The following CARMIL1 variants were observed in gnomAD, a reference collection of about 807,000 sequenced individuals.
CARMIL1 encodes the protein capping protein regulator and myosin 1 linker 1, also known as F-actin-uncapping protein LRRC16A.
A neutral mutation model predicts 177.1 loss-of-function variants in CARMIL1; 90 were observed. The observed-to-expected ratio is 0.51, with a 90% CI of 0.43 to 0.61. The LOEUF (loss-of-function observed/expected upper bound fraction) is 0.61. CARMIL1 is among the 20% of genes least tolerant of loss of function. The pLI, the probability that CARMIL1 is intolerant of heterozygous loss-of-function variation, is 0.00. For missense variants in CARMIL1, 1,380 were observed against 1,667.0 expected (o/e 0.83, Z 3.00); for synonymous variants, 577 against 606.2 (o/e 0.95, Z 0.71).
At chr6:25,298,183 C>T (rs1424027797) in intron 2 of CARMIL1, among the ~76,000 whole-genome samples, 1 of 152,048 alleles carries the variant, frequency 6.6e-6, no homozygotes, top group East Asian at 1.9e-4. Context: ...TAAGTCTTAG[C>T]TGTTATTGTT....
At chr6:25,534,029 C>T (rs914631589) in intron 24 of CARMIL1, among the ~76,000 whole-genome samples, 3 of 152,154 alleles carry the variant, frequency 2.0e-5, no homozygotes, top group Non-Finnish European at 4.4e-5. Context: ...CCACTAAACC[C>T]TGTCCAGTGG....
intron 29 of CARMIL1, chr6:25,563,748 T>A: frequency 2.0e-6 from 2 of 985,138 alleles, no homozygotes; most frequent in Non-Finnish European, 2.4e-6. Flanking sequence ...GCTTGCTACA[T>A]TGAGGGGAAG....
chr6:25,507,070 C>T (rs1364892759), intron 17 of CARMIL1, among the ~76,000 whole-genome samples: 2 of 152,170 alleles, frequency 1.3e-5, no homozygotes, highest in African/African-American at 4.8e-5. Flanking sequence ...ACATTTACTT[C>T]TCTTTGATCT....
intron 32 of CARMIL1, among the ~76,000 whole-genome samples, chr6:25,599,699 A>C (rs1012558951): frequency 2.0e-5 from 3 of 152,126 alleles, no homozygotes; most frequent in Non-Finnish European, 4.4e-5. Flanking sequence ...AGATGGCCAG[A>C]CTCAAGTCGC....
At chr6:25,453,195 C>A (rs1302440447) in intron 8 of CARMIL1, among the ~76,000 whole-genome samples, 2 of 150,174 alleles carry the variant, frequency 1.3e-5, no homozygotes, top group African/African-American at 4.9e-5. Context: ...TAGTAGCAGA[C>A]AAAAGTTTTC....
chr6:25,478,308 C>T (rs113600899), intron 11 of CARMIL1, among the ~76,000 whole-genome samples: 5 of 152,090 alleles, frequency 3.3e-5, no homozygotes, highest in African/African-American at 1.2e-4. Flanking sequence ...GTCCCAGAGT[C>T]GAAACACATG....
At position 25,620,123 on chromosome 6, in the gene CARMIL1, T is replaced by C. The variant is rs555946049; in HGVS notation, c.*540T>C. On this transcript the variant is annotated 3_prime_UTR_variant, in exon 37 of 37. Coordinates refer to ENST00000329474, the MANE Select transcript of CARMIL1 (RefSeq NM_017640.6). The stretch of plus-strand genomic sequence containing the variant: ...GCACACTAATAATTTGTATAGATTA[T>C]ATATATTAGATCTTGGGTATGGTTT... The C allele has an allele frequency of 5.2e-5, 8 of 152,770 alleles. No individual in the cohort carries two copies. The highest frequency in any genetic ancestry group is 4.1e-4 in the South Asian group (2 of 4,822). The allele number at this position is 152,770 out of a possible 1,614,324, so 9.5% of individuals were successfully genotyped here.
intron 3 of CARMIL1, among the ~76,000 whole-genome samples, chr6:25,422,651 A>G (rs1313291971): frequency 6.6e-6 from 1 of 152,234 alleles, no homozygotes; most frequent in African/African-American, 2.4e-5. Context: ...GCATGATATG[A>G]GGACTTTAAT....
At chr6:25,371,067 C>T (rs943432509) in intron 2 of CARMIL1, among the ~76,000 whole-genome samples, 2 of 152,110 alleles carry the variant, frequency 1.3e-5, no homozygotes, top group African/African-American at 4.8e-5. Flanking sequence ...GCCTCCAGCT[C>T]CATCCAAATT....
At chr6:25,452,005 AG>A in intron 8 of CARMIL1, 1 of 16,052 alleles carries the variant, frequency 6.2e-5, no homozygotes, top group South Asian at 7.3e-4. Context: ...TCCCCCCCCC[AG>A]AATACTGTTT....
intron 24 of CARMIL1, among the ~76,000 whole-genome samples, chr6:25,529,575 A>G (rs1460680078): frequency 6.6e-6 from 1 of 152,184 alleles, no homozygotes; most frequent in Non-Finnish European, 1.5e-5. Flanking sequence ...AGAGTACAGC[A>G]GAGAGCTTTA....
In CARMIL1 at chr6:25,594,470, G is replaced by A. The variant is rs201497840; in HGVS notation, c.3062G>A (p.Arg1021Lys). ...GGTGAACAGAATGGTCTCATGGGGA[G>A]AGTGGATGAAGGTGTAGATGAATTT... ...QDGEQNGLMG[R>K]VDEGVDEFFT... Residue 1021 changes from arginine (R) to lysine (K), a missense_variant, in exon 32 of 37, where the codon AGA becomes AAA. By Grantham distance (26) the Arg-to-Lys change is conservative (BLOSUM62 2). Coordinates refer to ENST00000329474, the MANE Select transcript of CARMIL1 (RefSeq NM_017640.6). 1.2e-3 allele frequency: 1,908 copies of A among 1,613,640 alleles called. 2 individuals are homozygous for A. Among genetic ancestry groups the A allele is most frequent in the Non-Finnish European group, 1.4e-3 (1,647 of 1,179,664 alleles).
intron 2 of CARMIL1, among the ~76,000 whole-genome samples, chr6:25,398,377 A>C (rs1243169899): frequency 1.3e-5 from 2 of 152,226 alleles, no homozygotes; most frequent in African/African-American, 4.8e-5. Context: ...AAGTATATTA[A>C]AGTAATGGAT....
At chr6:25,367,765 C>CT (rs1207359391) in intron 2 of CARMIL1, among the ~76,000 whole-genome samples, 3 of 152,104 alleles carry the variant, frequency 2.0e-5, no homozygotes, top group Non-Finnish European at 2.9e-5. Context: ...CATTCAGACT[C>CT]TCCCCCAAAC....
intron 3 of CARMIL1, among the ~76,000 whole-genome samples, chr6:25,424,242 C>G (rs1796106539): frequency 6.6e-6 from 1 of 152,112 alleles, no homozygotes. Flanking sequence ...TTTCTTCTGC[C>G]TGAATTTCCC....
At chr6:25,438,879 A>T (rs1345762494) in intron 5 of CARMIL1, among the ~76,000 whole-genome samples, 5 of 151,102 alleles carry the variant, frequency 3.3e-5, no homozygotes, top group Admixed American at 2.6e-4. Flanking sequence ...TGCTAAAGAG[A>T]ATGGACTGGT....
chr6:25,314,240 C>T (rs1300087132), intron 2 of CARMIL1, among the ~76,000 whole-genome samples: 21 of 124,800 alleles, frequency 1.7e-4, no homozygotes, highest in Middle Eastern at 4.8e-3. Flanking sequence ...TTTGGGAGGC[C>T]GAGGCGGGTG....
At chr6:25,433,852 A>T (rs373624185) in intron 4 of CARMIL1, among the ~76,000 whole-genome samples, 1 of 152,202 alleles carries the variant, frequency 6.6e-6, no homozygotes, top group East Asian at 1.9e-4. Flanking sequence ...ACCTTGCGTT[A>T]CTTTTCATTT....
chr6:25,443,108 AAG>A (rs1181585562), intron 5 of CARMIL1, among the ~76,000 whole-genome samples: 6 of 152,192 alleles, frequency 3.9e-5, no homozygotes, highest in Admixed American at 3.9e-4. Context: ...AGAATTTTAA[AAG>A]AGAAATGTGA....
Sources: allele counts gnomAD v4.1 joint callset (sites outside exome capture counted in the v4.1 genomes callset), GRCh38; gene constraint gnomAD v4.1.1; transcripts MANE v1.5; gene names NCBI Gene and HGNC (gene_info 2026-07-23, HGNC 2026-07-21).